CMSS1: variants seen among roughly 807,000 people sequenced by gnomAD.
CMSS1 encodes cms1 ribosomal small subunit homolog.
Under a neutral mutation model 43.5 loss-of-function variants are expected in CMSS1, and 33 were observed. That is an observed-to-expected ratio of 0.76 (90% CI 0.57 to 1.01). CMSS1 has a LOEUF of 1.01. CMSS1 is among the 50% of genes least tolerant of loss of function. The pLI, the probability that CMSS1 is intolerant of heterozygous loss-of-function variation, is 0.00. For missense variants in CMSS1, 313 were observed against 326.4 expected (o/e 0.96, Z 0.32); for synonymous variants, 115 against 117.2 (o/e 0.98, Z 0.12).
At chr3:99,868,438 A>G (rs150986571) in intron 1 of CMSS1, among the ~76,000 whole-genome samples, 1,715 of 152,298 alleles carry the variant, frequency 0.011, 18 homozygotes, top group African/African-American at 0.025. Flanking sequence ...ATGTCAGCCC[A>G]GCAGCACCAG....
intron 1 of CMSS1, among the ~76,000 whole-genome samples, chr3:99,924,914 G>A (rs758518248): frequency 8.0e-4 from 122 of 152,098 alleles, no homozygotes; most frequent in Non-Finnish European, 3.8e-4. Flanking sequence ...TCTCTTTATT[G>A]CCATCAAATT....
intron 1 of CMSS1, among the ~76,000 whole-genome samples, chr3:100,145,457 A>G (rs2066841319): frequency 1.3e-5 from 2 of 152,152 alleles, no homozygotes; most frequent in Admixed American, 1.3e-4. Flanking sequence ...CAAAAAAAAA[A>G]AAGTATACAT....
At chr3:100,177,187 A>G (rs1418555108) in intron 9 of CMSS1, among the ~76,000 whole-genome samples, 4 of 152,230 alleles carry the variant, frequency 2.6e-5, no homozygotes, top group Admixed American at 1.3e-4. Flanking sequence ...ACATAAAGCT[A>G]TATCTCCAGA....
intron 1 of CMSS1, among the ~76,000 whole-genome samples, chr3:99,833,511 T>G (rs1942773113): frequency 6.6e-6 from 1 of 152,226 alleles, no homozygotes; most frequent in African/African-American, 2.4e-5. Flanking sequence ...TTCTTCCACT[T>G]TATCATGGAG....
intron 1 of CMSS1, chr3:100,114,852 C>G (rs2107484345): frequency 1.2e-6 from 1 of 839,914 alleles, no homozygotes; most frequent in South Asian, 1.7e-5. Context: ...TTCTTTGACA[C>G]CCATAACCCA....
chr3:100,131,974 T>C (rs1211239797), intron 1 of CMSS1, among the ~76,000 whole-genome samples: 2 of 152,206 alleles, frequency 1.3e-5, no homozygotes, highest in African/African-American at 4.8e-5. Context: ...TTAAATTATT[T>C]TAAACACTAG....
In CMSS1 at chr3:99,827,374, T is replaced by C. The variant is rs1387376705; in HGVS notation, c.64+9331T>C. The stretch of plus-strand genomic sequence containing the variant: ...GCCCAGCTAATTTTTGTGTTTTTAA[T>C]AGAGATGGAATTTCGCCATGTTGAC... On this transcript the variant is annotated intron_variant, in intron 1 of 9. Coordinates refer to ENST00000421999, the MANE Select transcript of CMSS1 (RefSeq NM_032359.4). Among the ~76,000 whole-genome samples, 35 of 151,876 alleles carry C rather than the reference T, an allele frequency of 2.3e-4. 1 individual carries two copies. The highest frequency in any genetic ancestry group is 2.2e-3 in the Admixed American group (34 of 15,258).
intron 1 of CMSS1, among the ~76,000 whole-genome samples, chr3:100,135,954 T>G (rs191328015): frequency 7.2e-5 from 11 of 152,224 alleles, no homozygotes; most frequent in Non-Finnish European, 1.0e-4. Flanking sequence ...CTTTAAAAAT[T>G]TTGTAAGCAA....
At chr3:100,055,753 G>T (rs1291029153) in intron 1 of CMSS1, among the ~76,000 whole-genome samples, 2 of 152,160 alleles carry the variant, frequency 1.3e-5, no homozygotes, top group Non-Finnish European at 2.9e-5. Flanking sequence ...ATTTAGAAAA[G>T]AGAGATAGGC....
At chr3:99,958,380 C>G (rs1708399015) in intron 1 of CMSS1, among the ~76,000 whole-genome samples, 1 of 151,978 alleles carries the variant, frequency 6.6e-6, no homozygotes, top group African/African-American at 2.4e-5. Context: ...GAACTAGGGC[C>G]TGTTAATGCC....
chr3:99,966,642 A>G (rs947285793), intron 1 of CMSS1, among the ~76,000 whole-genome samples: 2 of 152,218 alleles, frequency 1.3e-5, no homozygotes, highest in Non-Finnish European at 2.9e-5. Flanking sequence ...AAGATGCCAC[A>G]TTTACATGGC....
intron 1 of CMSS1, among the ~76,000 whole-genome samples, chr3:99,933,298 AT>A (rs1395950257): frequency 6.6e-6 from 1 of 152,202 alleles, no homozygotes; most frequent in Admixed American, 6.5e-5. Flanking sequence ...ATGAACAATG[AT>A]GTGTGACAGT....
intron 1 of CMSS1, among the ~76,000 whole-genome samples, chr3:100,053,708 G>A (rs1443459430): frequency 6.6e-6 from 1 of 152,072 alleles, no homozygotes; most frequent in Non-Finnish European, 1.5e-5. Context: ...AGCATTTAGG[G>A]GTCTACACTT....
chr3:99,964,474 C>G (rs1482890106), intron 1 of CMSS1: 1 of 152,712 alleles, frequency 6.5e-6, no homozygotes, highest in Non-Finnish European at 1.5e-5. Context: ...AAGGTCCTGA[C>G]AGGTAAGTGA....
chr3:99,892,641 G>C (rs989493016), intron 1 of CMSS1, among the ~76,000 whole-genome samples: 6 of 152,162 alleles, frequency 3.9e-5, no homozygotes, highest in Non-Finnish European at 8.8e-5. Flanking sequence ...AACACCCAGA[G>C]GTGGAGAAGG....
At chr3:100,172,179 C>A in intron 7 of CMSS1, 137 bp from the exon 8 acceptor site, 1 of 745,550 alleles carries the variant, frequency 1.3e-6, no homozygotes, top group Non-Finnish European at 2.2e-6. Flanking sequence ...CATCTCTGCC[C>A]TGGAAGTCGA....
At chr3:99,850,182 C>A (rs372620284) in intron 1 of CMSS1, 14 of 1,610,890 alleles carry the variant, frequency 8.7e-6, no homozygotes, top group Admixed American at 3.4e-5. Flanking sequence ...CTACAAACAT[C>A]ACAGTTAATG....
intron 1 of CMSS1, chr3:99,931,153 T>G (rs535753323): frequency 1.3e-6 from 1 of 761,852 alleles, no homozygotes; most frequent in Non-Finnish European, 2.1e-6. Flanking sequence ...GTCAATCTTT[T>G]TGATGTCTAC....
At chr3:100,141,670 T>C in intron 1 of CMSS1, 1 of 415,320 alleles carries the variant, frequency 2.4e-6, no homozygotes, top group Non-Finnish European at 4.8e-6. Flanking sequence ...TGCAACCTTA[T>C]ATTTTCATTT....
Sources: gnomAD v4.1 joint callset for allele counts (sites outside exome capture counted in the v4.1 genomes callset) on GRCh38, gnomAD v4.1.1 for gene constraint, MANE v1.5 for transcripts, NCBI Gene and HGNC (gene_info 2026-07-23, HGNC 2026-07-21) for gene names.